The following AGL variants were observed in gnomAD, a reference collection of about 807,000 sequenced individuals.
The protein encoded by AGL is glycogen debranching enzyme.
A neutral mutation model predicts 199.3 loss-of-function variants in AGL; 128 were observed. That is an observed-to-expected ratio of 0.64 (90% confidence interval 0.56 to 0.74). The LOEUF (loss-of-function observed/expected upper bound fraction) is 0.74, where lower values mean the gene tolerates loss of function less well. Among genes scored for constraint, AGL ranks in the 30% least tolerant of loss-of-function variants. AGL has a pLI of 0.00. For missense variants in AGL, 1,809 were observed against 1,820.8 expected (o/e 0.99, Z 0.12); for synonymous variants, 584 against 594.7 (o/e 0.98, Z 0.26).
chr1:99,911,389 T>C lies in AGL; in HGVS notation c.3836+542T>C, dbSNP rs1570506247. ...AACGTACTTTGTACCCATTAAGTAA[T>C]GTCTATTAAAATAGCTTCTGATACT... On this transcript the variant is annotated intron_variant, in intron 28 of 33. Transcript: ENST00000361915. Among the ~76,000 whole-genome samples, 3 of 112,358 alleles carry C rather than the reference T, an allele frequency of 2.7e-5. No homozygotes were observed. The South Asian group carries it at 8.3e-4, about 31-fold the overall frequency. 73.7% of individuals were successfully genotyped at this position (112,358 alleles called of 152,430 possible). A position where few individuals can be genotyped will look rare whatever the true frequency, so the allele number is the denominator to read the frequency against.
At chr1:99,883,095 C>T (rs1316380996) in intron 17 of AGL, among the ~76,000 whole-genome samples, 2 of 152,040 alleles carry the variant, frequency 1.3e-5, no homozygotes, top group Non-Finnish European at 2.9e-5. Context: ...AATGTTCGTA[C>T]GTTCTGTTAT....
Position 99,862,271 on chromosome 1 carries a change from G to C in AGL, c.308G>C (p.Gly103Ala). The change falls in exon 4 of 34, where the codon GGT becomes GCT. Residue 103 changes from glycine to alanine, a missense_variant. By Grantham distance (60) the Gly-to-Ala change is moderately conservative (BLOSUM62 0). Coordinates refer to ENST00000361915, the MANE Select transcript of AGL (RefSeq NM_000642.3). ...TTTTCCCTTAGAAATGAGAAAAGTG[G>C]TGGAGGTTACATAGTTGTGGACCCC... ...YYFLQGNEKS[G>A]GGYIVVDPIL... 6.2e-7 allele frequency: 1 copy of C among 1,614,006 alleles called. No homozygotes were observed. The highest frequency in any genetic ancestry group is 8.5e-7 in the Non-Finnish European group (1 of 1,179,984).
At chr1:99,863,424 T>G (rs1300179189) in intron 4 of AGL, among the ~76,000 whole-genome samples, 2 of 152,164 alleles carry the variant, frequency 1.3e-5, no homozygotes, top group African/African-American at 2.4e-5. Context: ...TCATTTTAAT[T>G]CAACAAACAT....
chr1:99,909,961 TTA>T (rs1364108163), intron 27 of AGL, among the ~76,000 whole-genome samples: 12 of 152,280 alleles, frequency 7.9e-5, no homozygotes, highest in African/African-American at 2.6e-4. Context: ...AATCAATAAT[TTA>T]TGTTTTGAGA....
chr1:99,915,867 G>A (rs1221865963), intron 31 of AGL, among the ~76,000 whole-genome samples: 2 of 152,030 alleles, frequency 1.3e-5, no homozygotes, highest in African/African-American at 2.4e-5. Flanking sequence ...AACAAATGGA[G>A]TATAGATAAC....
intron 5 of AGL, among the ~76,000 whole-genome samples, chr1:99,870,162 T>C (rs1367609122): frequency 6.6e-6 from 1 of 152,108 alleles, no homozygotes; most frequent in Non-Finnish European, 1.5e-5. Context: ...GCTTTTTGTT[T>C]CATCGGATTT....
chr1:99,893,679 C>T (rs1222107242), intron 24 of AGL, among the ~76,000 whole-genome samples: 1 of 152,174 alleles, frequency 6.6e-6, no homozygotes, highest in Non-Finnish European at 1.5e-5. Flanking sequence ...ATCTGACATA[C>T]TTCTCAGGTA....
intron 2 of AGL, among the ~76,000 whole-genome samples, chr1:99,859,573 A>C (rs929764038): frequency 6.6e-6 from 1 of 151,622 alleles, no homozygotes; most frequent in Non-Finnish European, 1.5e-5. Context: ...TTTTTAATGG[A>C]GTCTTGCTCT....
Position 99,852,689 on chromosome 1 carries a change from T to G in AGL, c.82+1565T>G, listed in dbSNP as rs145049634. The stretch of plus-strand genomic sequence containing the variant: ...CCGGGCATGGCCCCAATTCTGAGCA[T>G]TAATTTATTTATTGGTGAGATGAAA... On this transcript the variant is annotated intron_variant, in intron 2 of 33. Transcript: ENST00000361915. 13,608 of 780,424 alleles carry G rather than the reference T, an allele frequency of 0.017. 175 individuals carry two copies. Among genetic ancestry groups the G allele is most frequent in the Middle Eastern group, 0.053 (236 of 4,442 alleles). 48.3% of individuals were successfully genotyped at this position (780,424 alleles called of 1,614,324 possible).
intron 7 of AGL, among the ~76,000 whole-genome samples, chr1:99,871,873 C>T (rs1166938271): frequency 2.0e-5 from 3 of 151,976 alleles, no homozygotes; most frequent in Non-Finnish European, 4.4e-5. Context: ...CCTCTTCTTT[C>T]CCAAAACCCA....
chr1:99,870,678 A>T, intron 6 of AGL, 80 bp from the exon 7 acceptor site: 1 of 1,467,380 alleles, frequency 6.8e-7, no homozygotes, highest in Non-Finnish European at 9.5e-7. Context: ...CTGTATTTTA[A>T]TATGATAAAC....
intron 24 of AGL, among the ~76,000 whole-genome samples, chr1:99,895,623 T>A (rs1269219856): frequency 6.6e-6 from 1 of 152,148 alleles, no homozygotes; most frequent in East Asian, 1.9e-4. Flanking sequence ...ATAATTAATA[T>A]TTAGTGTTTA....
chr1:99,884,365 A>AAAGG lies in AGL; in HGVS notation c.2460_2461insAAGG (p.Ala821LysfsTer11). 1 of 1,613,434 alleles carries AAAGG rather than the reference A, an allele frequency of 6.2e-7. No homozygotes were observed. Among genetic ancestry groups the AAAGG allele is most frequent in the Non-Finnish European group, 8.5e-7 (1 of 1,179,684 alleles). ...TTAATGAAAGTAAAATTGTTAAACA[A>AAAGG]GCTGGAGTTGCCACAAAAGGGCCCA... On this transcript the variant is annotated frameshift_variant, in exon 19 of 34. Coordinates refer to ENST00000361915, the MANE Select transcript of AGL (RefSeq NM_000642.3). LOFTEE classifies it high-confidence loss of function.
Position 99,875,254 on chromosome 1 carries a change from C to T in AGL, c.1183C>T (p.Gln395Ter). ...TCGACTCATTAACTATCATCAGGAA[C>T]AGGTTTTACTTATTTTTGAACTGCT... ...KHRLINYHQEQAVNCLLGNVF... is the reference protein window; with the variant it reads ...KHRLINYHQE Residue 395 changes from glutamine (Q) to a stop codon, truncating the protein, a stop_gained and splice_region_variant, in exon 9 of 34, where the codon CAG becomes TAG. Coordinates refer to ENST00000361915, the MANE Select transcript of AGL (RefSeq NM_000642.3). LOFTEE classifies it high-confidence loss of function. 6.2e-7 allele frequency: 1 copy of T among 1,613,668 alleles called. No homozygotes were observed. Among genetic ancestry groups the T allele is most frequent in the African/African-American group, 1.3e-5 (1 of 75,054 alleles).
intron 27 of AGL, 44 bp from the exon 28 acceptor site, chr1:99,910,668 A>G (rs1368892765): frequency 8.4e-7 from 1 of 1,196,758 alleles, no homozygotes; most frequent in Admixed American, 2.1e-5. Flanking sequence ...TATACTATAT[A>G]TAATACTTAT....
intron 33 of AGL, among the ~76,000 whole-genome samples, chr1:99,918,919 C>A (rs560942045): frequency 6.6e-6 from 1 of 151,870 alleles, no homozygotes; most frequent in South Asian, 2.1e-4. Flanking sequence ...AGCAAGTGTT[C>A]CTGACGCTGT....
chr1:99,869,055 A>G (rs890428087), intron 5 of AGL, among the ~76,000 whole-genome samples: 3 of 151,984 alleles, frequency 2.0e-5, no homozygotes, highest in African/African-American at 7.3e-5. Context: ...CAGCTCCTGG[A>G]CTCAGGTGAT....
At chr1:99,874,534 G>A in intron 7 of AGL, 153 bp from the exon 8 acceptor site, 1 of 736,314 alleles carries the variant, frequency 1.4e-6, no homozygotes, top group Non-Finnish European at 2.2e-6. Flanking sequence ...CACACAGCAG[G>A]ATGAGAAGGG....
At position 99,904,658 on chromosome 1, in the gene AGL, T is replaced by C. The variant is rs76688171; in HGVS notation, c.3700+1864T>C. ...GTCTCTCTGGCAGCTACTAATCTGTTCTGCAACTCTATAGTTTTGTCATTT... is the reference window on the plus strand; with the variant it reads ...GTCTCTCTGGCAGCTACTAATCTGTCCTGCAACTCTATAGTTTTGTCATTT... On this transcript the variant is annotated intron_variant, in intron 27 of 33. Coordinates refer to ENST00000361915, the MANE Select transcript of AGL (RefSeq NM_000642.3). Among the ~76,000 whole-genome samples, 982 of 152,256 alleles carry C rather than the reference T, an allele frequency of 6.4e-3. 13 individuals carry two copies. Among genetic ancestry groups the C allele is most frequent in the African/African-American group, 0.023 (946 of 41,552 alleles).
Sources: gnomAD v4.1 joint callset for allele counts (sites outside exome capture counted in the v4.1 genomes callset) on GRCh38, gnomAD v4.1.1 for gene constraint, MANE v1.5 for transcripts, NCBI Gene and HGNC (gene_info 2026-07-23, HGNC 2026-07-21) for gene names.